The following DCUN1D4 variants were observed in gnomAD, a reference collection of about 807,000 sequenced individuals.
DCUN1D4 encodes DCN1-like protein 4.
A neutral mutation model predicts 47.9 loss-of-function variants in DCUN1D4; 22 were observed. That is an observed-to-expected ratio of 0.46 (90% CI 0.33 to 0.66). The LOEUF (loss-of-function observed/expected upper bound fraction) is 0.66. Ranked by LOEUF, DCUN1D4 falls within the 30% of genes least tolerant of loss-of-function variation. The pLI is 0.02. For missense variants in DCUN1D4, 301 were observed against 340.8 expected (o/e 0.88, Z 0.92); for synonymous variants, 121 against 112.2 (o/e 1.08, Z -0.50).
At chr4:51,911,340 G>T (rs867896244) in intron 9 of DCUN1D4, among the ~76,000 whole-genome samples, 166 bp downstream of exon 9, 1 of 152,154 alleles carries the variant, frequency 6.6e-6, no homozygotes, top group Non-Finnish European at 1.5e-5. Context: ...TTCTTGGAGT[G>T]CATCTGTGTA....
intron 7 of DCUN1D4, among the ~76,000 whole-genome samples, chr4:51,895,119 C>T (rs935098681): frequency 7.3e-5 from 11 of 151,654 alleles, no homozygotes; most frequent in African/African-American, 2.7e-4. Flanking sequence ...ATACCATCAT[C>T]TTGGGGGTGA....
At chr4:51,883,905 TTATG>T (rs1244217157) in intron 5 of DCUN1D4, among the ~76,000 whole-genome samples, 1 of 151,392 alleles carries the variant, frequency 6.6e-6, no homozygotes, top group Non-Finnish European at 1.5e-5. Context: ...TGTATCATGT[TTATG>T]TATTAATGTA....
At chr4:51,906,790 T>G (rs1271222523) in intron 8 of DCUN1D4, among the ~76,000 whole-genome samples, 1 of 152,250 alleles carries the variant, frequency 6.6e-6, no homozygotes, top group Non-Finnish European at 1.5e-5. Flanking sequence ...CTGGCCTGTA[T>G]GTTTCTTCAT....
chr4:51,834,914 G>C, the DCUN1D4 span, among the ~76,000 whole-genome samples: 1 of 152,216 alleles, frequency 6.6e-6, no homozygotes, highest in East Asian at 1.9e-4. Context: ...TTGTGGTCCT[G>C]TTTCCAGATC....
At chr4:51,888,965 C>T (rs558282964) in intron 6 of DCUN1D4, among the ~76,000 whole-genome samples, 9 of 151,614 alleles carry the variant, frequency 5.9e-5, no homozygotes, top group South Asian at 2.1e-4. Context: ...CAAAATTAGC[C>T]GGGCGTAGTG....
At chr4:51,860,480 G>T (rs1478349176) in intron 1 of DCUN1D4, 6 of 424,762 alleles carry the variant, frequency 1.4e-5, no homozygotes, top group Middle Eastern at 7.5e-4. Flanking sequence ...TTACTATAAA[G>T]AAATACCTGA....
intron 5 of DCUN1D4, among the ~76,000 whole-genome samples, chr4:51,883,958 A>G (rs1333734281): frequency 6.7e-6 from 1 of 149,738 alleles, no homozygotes; most frequent in Non-Finnish European, 1.5e-5. Flanking sequence ...CTGATAATCA[A>G]GATAAGAAAA....
At chr4:51,875,665 C>T (rs1048970074) in intron 4 of DCUN1D4, among the ~76,000 whole-genome samples, 1 of 152,260 alleles carries the variant, frequency 6.6e-6, no homozygotes, top group South Asian at 2.1e-4. Flanking sequence ...ACTCCCAGCC[C>T]CAGACAACCA....
At chr4:51,865,212 C>T in intron 3 of DCUN1D4, 1 of 208,618 alleles carries the variant, frequency 4.8e-6, no homozygotes, top group South Asian at 8.4e-5. Context: ...AGTACAGCAC[C>T]AGCATTTCCT....
At chr4:51,884,115 G>A (rs1390562606) in intron 5 of DCUN1D4, among the ~76,000 whole-genome samples, 1 of 152,008 alleles carries the variant, frequency 6.6e-6, no homozygotes, top group East Asian at 1.9e-4. Flanking sequence ...ATTGTGTAAT[G>A]AAGTAGAACA....
chr4:51,845,273 A>G (rs1722358642), intron 1 of DCUN1D4: 9 of 985,186 alleles, frequency 9.1e-6, no homozygotes, highest in Non-Finnish European at 1.1e-5. Context: ...CGATAATATA[A>G]ACTATGTGTT....
At chr4:51,893,415 CTTT>C (rs1336241601) in intron 7 of DCUN1D4, among the ~76,000 whole-genome samples, 7 of 136,586 alleles carry the variant, frequency 5.1e-5, no homozygotes, top group African/African-American at 1.8e-4. Flanking sequence ...CTTCCTTTTT[CTTT>C]TCTTTTCTTT....
intron 5 of DCUN1D4, among the ~76,000 whole-genome samples, chr4:51,881,078 A>G (rs1728526347): frequency 1.3e-5 from 2 of 152,192 alleles, no homozygotes; most frequent in Non-Finnish European, 1.5e-5. Context: ...CAGTGAGCCA[A>G]GATTGCGCCA....
chr4:51,884,048 A>T (rs1016315757), intron 5 of DCUN1D4, among the ~76,000 whole-genome samples: 7 of 151,006 alleles, frequency 4.6e-5, no homozygotes, highest in Non-Finnish European at 8.9e-5. Flanking sequence ...TAAAAAGGGG[A>T]TAGAAGGGGA....
chr4:51,848,171 A>G (rs1304767926), intron 1 of DCUN1D4: 3 of 1,270,038 alleles, frequency 2.4e-6, no homozygotes, highest in Non-Finnish European at 3.0e-6. Flanking sequence ...AGTCAGTTGT[A>G]TGCAAACTAA....
At chr4:51,880,299 C>T (rs1468793757) in intron 5 of DCUN1D4, among the ~76,000 whole-genome samples, 1 of 152,122 alleles carries the variant, frequency 6.6e-6, no homozygotes, top group Non-Finnish European at 1.5e-5. Flanking sequence ...GATACCAGCA[C>T]GAAGAGGGCT....
intron 1 of DCUN1D4, among the ~76,000 whole-genome samples, chr4:51,851,357 A>T (rs1368898132): frequency 6.6e-6 from 1 of 152,196 alleles, no homozygotes; most frequent in Non-Finnish European, 1.5e-5. Flanking sequence ...AGCAGTTGTC[A>T]TGTGAGTTTT....
chr4:51,848,287 G>C (rs1722863888), intron 1 of DCUN1D4: 1 of 1,289,146 alleles, frequency 7.8e-7, no homozygotes, highest in Non-Finnish European at 1.0e-6. Context: ...AACAGAAGGA[G>C]TGTTTGTGAA....
upstream of DCUN1D4, chr4:51,842,960 G>T (rs1466230552): frequency 1.5e-5 from 14 of 950,252 alleles, no homozygotes; most frequent in Non-Finnish European, 1.9e-5. Flanking sequence ...TCCGCCAGGG[G>T]CGTTACGGAG....
Sources: gnomAD v4.1 joint callset for allele counts (sites outside exome capture counted in the v4.1 genomes callset) on GRCh38, gnomAD v4.1.1 for gene constraint, MANE v1.5 for transcripts, NCBI Gene and HGNC (gene_info 2026-07-23, HGNC 2026-07-21) for gene names.